CNTNAP2: variants seen among roughly 807,000 people sequenced by gnomAD.
CNTNAP2 encodes contactin-associated protein-like 2.
In CNTNAP2, 98 loss-of-function variants were observed where a neutral mutation model predicts 155.2. The observed-to-expected ratio is 0.63, with a 90% CI of 0.54 to 0.75. CNTNAP2 has a LOEUF of 0.75. Among genes scored for constraint, CNTNAP2 ranks in the 30% least tolerant of loss-of-function variants. The pLI is 0.00. For missense variants in CNTNAP2, 1,727 were observed against 1,688.1 expected (o/e 1.02, Z -0.40); for synonymous variants, 651 against 631.2 (o/e 1.03, Z -0.47).
intron 13 of CNTNAP2, among the ~76,000 whole-genome samples, chr7:147,689,514 T>G (rs1293079604): frequency 2.0e-5 from 3 of 152,206 alleles, no homozygotes; most frequent in Non-Finnish European, 4.4e-5. Context: ...TTCTATCACG[T>G]TATTCTCTTT....
chr7:147,615,277 C>CA (rs58247626), intron 12 of CNTNAP2, among the ~76,000 whole-genome samples: 768 of 28,048 alleles, frequency 0.027, 112 homozygotes, highest in East Asian at 0.092. Context: ...GACCCTGTCT[C>CA]AAAAAAAAAA....
chr7:147,463,852 T>G (rs566604435), intron 10 of CNTNAP2, among the ~76,000 whole-genome samples: 47 of 152,008 alleles, frequency 3.1e-4, no homozygotes, highest in African/African-American at 1.1e-3. Context: ...ACAATATTTA[T>G]TTTGGATCAG....
rs533985982 is a variant in CNTNAP2 at position 147,083,391 on chromosome 7, A to G, written c.551-24756A>G. Among the ~76,000 whole-genome samples, 4 of 151,966 alleles carry G rather than the reference A, an allele frequency of 2.6e-5. No individual in the cohort carries two copies. In the East Asian group the frequency reaches 7.7e-4, roughly 29 times the overall value. The stretch of plus-strand genomic sequence containing the variant: ...CTGTATTTTGCTTCTAGTGATTTGG[A>G]GAAGTAGGCAATAATGTCGCTCACC... On this transcript the variant is annotated intron_variant, in intron 4 of 23. Transcript: ENST00000361727.
chr7:147,252,633 T>C (rs1033082784), intron 8 of CNTNAP2, among the ~76,000 whole-genome samples: 36 of 152,342 alleles, frequency 2.4e-4, no homozygotes, highest in Non-Finnish European at 1.3e-4. Context: ...ATCTAAATTA[T>C]GCATTGGGGG....
Position 147,965,568 on chromosome 7 carries a change from G to A in CNTNAP2, c.2256-12294G>A, listed in dbSNP as rs191006031. On this transcript the variant is annotated intron_variant, in intron 14 of 23. Transcript: ENST00000361727. ...GTACATGCTTTAATTTTTTGATAAC[G>A]GACATTTTTGCAATATTTAACATAA... 1.6e-3 allele frequency among the ~76,000 whole-genome samples: 236 copies of A among 150,986 alleles called. 2 individuals are homozygous for A. The highest frequency in any genetic ancestry group is 5.4e-3 in the African/African-American group (224 of 41,162).
At chr7:146,696,144 C>G (rs898583696) in intron 1 of CNTNAP2, among the ~76,000 whole-genome samples, 5 of 152,088 alleles carry the variant, frequency 3.3e-5, no homozygotes, top group African/African-American at 1.2e-4. Context: ...TTGGTAGATT[C>G]ACCAGTGGAA....
At chr7:147,605,547 A>G (rs1801043523) in intron 12 of CNTNAP2, among the ~76,000 whole-genome samples, 1 of 152,164 alleles carries the variant, frequency 6.6e-6, no homozygotes, top group Non-Finnish European at 1.5e-5. Context: ...AGCAGCCCTC[A>G]GAAGAATAGG....
chr7:146,441,618 T>C (rs1479446237), intron 1 of CNTNAP2, among the ~76,000 whole-genome samples: 1 of 151,378 alleles, frequency 6.6e-6, no homozygotes, highest in African/African-American at 2.5e-5. Context: ...TGCTCTGGAG[T>C]CTACTGAGGA....
intron 16 of CNTNAP2, among the ~76,000 whole-genome samples, chr7:148,122,582 C>A (rs1024790890): frequency 6.6e-6 from 1 of 152,066 alleles, no homozygotes; most frequent in African/African-American, 2.4e-5. Context: ...AGATGAGCAC[C>A]CAATGCACTC....
At chr7:147,062,167 A>C (rs1029201193) in intron 4 of CNTNAP2, among the ~76,000 whole-genome samples, 80 of 139,258 alleles carry the variant, frequency 5.7e-4, no homozygotes, top group African/African-American at 2.0e-3. Context: ...AAAAAAAAAA[A>C]AAACCAGTTC....
At chr7:146,736,785 C>T (rs867301318) in intron 1 of CNTNAP2, among the ~76,000 whole-genome samples, 2 of 152,076 alleles carry the variant, frequency 1.3e-5, no homozygotes, top group Non-Finnish European at 1.5e-5. Context: ...AACAATAGAA[C>T]ATAGATTCTT....
intron 19 of CNTNAP2, among the ~76,000 whole-genome samples, chr7:148,227,177 A>G (rs1160424604): frequency 1.3e-5 from 2 of 151,454 alleles, no homozygotes; most frequent in Admixed American, 6.6e-5. Context: ...CTGGAAGCCA[A>G]GTGTTCCCGG....
intron 9 of CNTNAP2, among the ~76,000 whole-genome samples, chr7:147,390,618 C>T (rs983620293): frequency 3.3e-5 from 5 of 152,050 alleles, no homozygotes; most frequent in African/African-American, 9.7e-5. Context: ...CATCTTACTA[C>T]TTGAGGGTTT....
At chr7:147,833,513 G>A (rs1798588057) in intron 13 of CNTNAP2, among the ~76,000 whole-genome samples, 1 of 152,180 alleles carries the variant, frequency 6.6e-6, no homozygotes, top group African/African-American at 2.4e-5. Flanking sequence ...GGAGTCCTGA[G>A]GTTGAGGAAG....
chr7:146,531,895 G>A (rs985836807), intron 1 of CNTNAP2, among the ~76,000 whole-genome samples: 12 of 151,976 alleles, frequency 7.9e-5, no homozygotes, highest in Admixed American at 6.6e-4. Flanking sequence ...GGGAAAGTAC[G>A]TATGAAGAAG....
At chr7:147,697,442 C>T (rs369424275) in intron 13 of CNTNAP2, among the ~76,000 whole-genome samples, 11 of 151,826 alleles carry the variant, frequency 7.2e-5, no homozygotes, top group African/African-American at 1.7e-4. Flanking sequence ...ATTAATGCAG[C>T]GATAAGTCAT....
At chr7:147,273,903 T>C (rs1006918456) in intron 8 of CNTNAP2, among the ~76,000 whole-genome samples, 2 of 148,058 alleles carry the variant, frequency 1.4e-5, no homozygotes, top group Admixed American at 1.4e-4. Flanking sequence ...TGTAATTATA[T>C]ATTACGTATT....
chr7:147,186,433 T>C (rs1451477625), intron 8 of CNTNAP2, among the ~76,000 whole-genome samples: 1 of 152,182 alleles, frequency 6.6e-6, no homozygotes, highest in African/African-American at 2.4e-5. Flanking sequence ...ATTTTAAAGA[T>C]GAGGAAGCTG....
intron 22 of CNTNAP2, among the ~76,000 whole-genome samples, chr7:148,386,056 G>A (rs1388022682): frequency 6.6e-6 from 1 of 152,074 alleles, no homozygotes; most frequent in Non-Finnish European, 1.5e-5. Flanking sequence ...AATGTATATA[G>A]GGAACATATC....
Sources: allele counts gnomAD v4.1 joint callset (sites outside exome capture counted in the v4.1 genomes callset), GRCh38; gene constraint gnomAD v4.1.1; transcripts MANE v1.5; gene names NCBI Gene and HGNC (gene_info 2026-07-23, HGNC 2026-07-21).